The following TMEM132D variants were observed in gnomAD, a reference collection of about 807,000 sequenced individuals.
TMEM132D encodes transmembrane protein 132D.
Under a neutral mutation model 62.3 loss-of-function variants are expected in TMEM132D, and 21 were observed. The observed-to-expected ratio is 0.34, with a 90% CI of 0.24 to 0.49. The LOEUF is 0.49. Among genes scored for constraint, TMEM132D ranks in the 20% least tolerant of loss-of-function variants. The probability of loss-of-function intolerance (pLI) is 0.99; values close to 1 mark genes in which losing one functional copy is unlikely to be tolerated. For missense variants in TMEM132D, 1,346 were observed against 1,402.8 expected, an observed-to-expected ratio of 0.96 and a Z score of 0.65; for synonymous variants, 621 against 575.6, an observed-to-expected ratio of 1.08 and a Z score of -1.13.
chr12:129,188,801 A>AGAGAG (rs1878300809), intron 5 of TMEM132D, among the ~76,000 whole-genome samples: 82 of 116,430 alleles, frequency 7.0e-4, no homozygotes, highest in African/African-American at 2.3e-3. Flanking sequence ...GAGAGAGAGA[A>AGAGAG]AGAGAGAGAT....
At chr12:129,309,288 G>T (rs550318105) in intron 4 of TMEM132D, among the ~76,000 whole-genome samples, 4 of 152,134 alleles carry the variant, frequency 2.6e-5, no homozygotes, top group African/African-American at 9.6e-5. Flanking sequence ...GTTGTTGGTG[G>T]CATCTTTGTT....
chr12:129,543,391 TGG>T (rs1171929844), intron 2 of TMEM132D, among the ~76,000 whole-genome samples: 1 of 137,006 alleles, frequency 7.3e-6, no homozygotes, highest in Admixed American at 7.5e-5. Context: ...GATGGATGGA[TGG>T]ATGGATGGAT....
At chr12:129,830,710 G>A (rs73160257) in intron 1 of TMEM132D, among the ~76,000 whole-genome samples, 10,802 of 152,142 alleles carry the variant, frequency 0.071, 425 homozygotes, top group East Asian at 0.11. Context: ...AACTTTGGGA[G>A]ATAAACCTCC....
chr12:129,352,653 T>A (rs998571290), intron 3 of TMEM132D, among the ~76,000 whole-genome samples: 2 of 152,056 alleles, frequency 1.3e-5, no homozygotes, highest in African/African-American at 2.4e-5. Context: ...AACAAACATA[T>A]GAAAAAAAGC....
At chr12:129,127,574 C>T (rs186262740) in intron 5 of TMEM132D, among the ~76,000 whole-genome samples, 10 of 152,258 alleles carry the variant, frequency 6.6e-5, no homozygotes, top group South Asian at 2.1e-4. Flanking sequence ...TCTGGGCATT[C>T]GCTAAATACA....
chr12:129,195,943 G>A (rs1230696647), intron 5 of TMEM132D, among the ~76,000 whole-genome samples: 4 of 152,160 alleles, frequency 2.6e-5, no homozygotes, highest in South Asian at 2.1e-4. Flanking sequence ...CTGGGCCAAC[G>A]TGGTGAAACC....
chr12:129,291,110 C>G (rs1042958222), intron 4 of TMEM132D, among the ~76,000 whole-genome samples: 3 of 152,188 alleles, frequency 2.0e-5, no homozygotes, highest in Non-Finnish European at 2.9e-5. Context: ...GGTATCTGGA[C>G]TAAATCCTCT....
intron 3 of TMEM132D, among the ~76,000 whole-genome samples, chr12:129,527,658 A>G (rs1354624939): frequency 6.6e-6 from 1 of 152,206 alleles, no homozygotes; most frequent in Non-Finnish European, 1.5e-5. Context: ...AGAGAACTAC[A>G]AGGAAATGAG....
intron 3 of TMEM132D, among the ~76,000 whole-genome samples, chr12:129,434,588 G>C (rs959033880): frequency 1.3e-5 from 2 of 152,108 alleles, no homozygotes; most frequent in African/African-American, 4.8e-5. Flanking sequence ...GGCTCCCAGA[G>C]GAGGTAAGTC....
At chr12:129,628,547 G>T (rs1182611209) in intron 2 of TMEM132D, among the ~76,000 whole-genome samples, 3 of 152,186 alleles carry the variant, frequency 2.0e-5, no homozygotes, top group Non-Finnish European at 4.4e-5. Context: ...ACTACTATGT[G>T]CTGGGAACTC....
At chr12:129,158,565 C>T (rs75366985) in intron 5 of TMEM132D, among the ~76,000 whole-genome samples, 5,984 of 152,158 alleles carry the variant, frequency 0.039, 228 homozygotes, top group East Asian at 0.14. Context: ...TCTATGCAAA[C>T]GTACAAAATC....
chr12:129,472,626 A>G (rs1329642900), intron 3 of TMEM132D, among the ~76,000 whole-genome samples: 1 of 152,192 alleles, frequency 6.6e-6, no homozygotes, highest in Non-Finnish European at 1.5e-5. Context: ...CAACCCCATC[A>G]AAAAGAGGAC....
intron 5 of TMEM132D, among the ~76,000 whole-genome samples, chr12:129,206,831 CCTAA>C (rs545429639): frequency 2.9e-3 from 440 of 152,224 alleles, no homozygotes; most frequent in Non-Finnish European, 5.0e-3. Context: ...AGGCCATTAT[CCTAA>C]CTAATACAGG....
chr12:129,633,968 C>T (rs1565930438), intron 2 of TMEM132D, among the ~76,000 whole-genome samples: 2 of 152,180 alleles, frequency 1.3e-5, no homozygotes, highest in African/African-American at 4.8e-5. Flanking sequence ...AAGAACAACA[C>T]CTTCTCCCCC....
chr12:129,564,690 T>A (rs1285415288), intron 2 of TMEM132D, among the ~76,000 whole-genome samples: 1 of 152,228 alleles, frequency 6.6e-6, no homozygotes, highest in Non-Finnish European at 1.5e-5. Context: ...CAATGAAATA[T>A]CTGTGAAGTC....
At position 129,185,157 on chromosome 12, in the gene TMEM132D, G is replaced by C. The variant is rs116680510; in HGVS notation, c.1443+24363C>G. On this transcript the variant is annotated intron_variant, in intron 5 of 8. Coordinates refer to ENST00000422113, the MANE Select transcript of TMEM132D (RefSeq NM_133448.3). ...AGAATTCCCAGTTCTCCCTCCAGGA[G>C]AGAAGATCCTGGAGACCATCTGTAT... Among the ~76,000 whole-genome samples the C allele has an allele frequency of 5.2e-3, 789 of 152,282 alleles. 3 individuals are homozygous for C. The highest frequency in any genetic ancestry group is 0.018 in the African/African-American group (765 of 41,560).
intron 2 of TMEM132D, among the ~76,000 whole-genome samples, chr12:129,626,613 A>G (rs565147089): frequency 6.6e-6 from 1 of 152,062 alleles, no homozygotes; most frequent in African/African-American, 2.4e-5. Flanking sequence ...ACCTGCCACC[A>G]TGCCCCACTA....
intron 3 of TMEM132D, among the ~76,000 whole-genome samples, chr12:129,391,767 A>T (rs1871295893): frequency 1.3e-5 from 2 of 151,768 alleles, no homozygotes; most frequent in Admixed American, 1.3e-4. Flanking sequence ...TTCTTTTTTT[A>T]TTTTTTTTAG....
At chr12:129,201,968 T>C (rs1329955609) in intron 5 of TMEM132D, among the ~76,000 whole-genome samples, 1 of 151,956 alleles carries the variant, frequency 6.6e-6, no homozygotes, top group African/African-American at 2.4e-5. Flanking sequence ...TGTATATTAT[T>C]GCAAACATCT....
Sources: gnomAD v4.1 joint callset for allele counts (sites outside exome capture counted in the v4.1 genomes callset) on GRCh38, gnomAD v4.1.1 for gene constraint, MANE v1.5 for transcripts, NCBI Gene and HGNC (gene_info 2026-07-23, HGNC 2026-07-21) for gene names.